Variants in TTC29 observed in about 807,000 individuals in gnomAD.
TTC29 encodes the protein tetratricopeptide repeat domain 29, also known as tetratricopeptide repeat protein 29.
A neutral mutation model predicts 58.1 loss-of-function variants in TTC29; 49 were observed. The observed-to-expected ratio is 0.84, with a 90% CI of 0.67 to 1.07. The LOEUF (loss-of-function observed/expected upper bound fraction) is 1.07, where lower values mean the gene tolerates loss of function less well. Ranked by LOEUF, TTC29 falls within the 50% of genes least tolerant of loss-of-function variation. The probability of loss-of-function intolerance (pLI) is 0.00; values close to 1 mark genes in which losing one functional copy is unlikely to be tolerated. For missense variants in TTC29, 582 were observed against 555.6 expected, an observed-to-expected ratio of 1.05 and a Z score of -0.48; for synonymous variants, 209 against 196.8, an observed-to-expected ratio of 1.06 and a Z score of -0.52.
At chr4:146,779,075 G>A (rs957636463) in intron 11 of TTC29, among the ~76,000 whole-genome samples, 5 of 146,290 alleles carry the variant, frequency 3.4e-5, no homozygotes, top group Non-Finnish European at 7.5e-5. Context: ...ACAATAAGAA[G>A]AGGAACTTAA....
At chr4:146,715,001 TA>T (rs1024731628) in intron 11 of TTC29, among the ~76,000 whole-genome samples, 7,323 of 147,134 alleles carry the variant, frequency 0.05, 568 homozygotes, top group African/African-American at 0.17. Context: ...TCTGGCTAAT[TA>T]AAAAAAAAAA....
At chr4:146,937,747 G>T in intron 3 of TTC29, 70 bp from the exon 4 acceptor site, 1 of 827,140 alleles carries the variant, frequency 1.2e-6, no homozygotes, top group Non-Finnish European at 1.9e-6. Context: ...CACATAAAAT[G>T]CCACCAGGAG....
intron 5 of TTC29, among the ~76,000 whole-genome samples, chr4:146,908,299 A>C (rs1733661865): frequency 6.6e-6 from 1 of 152,186 alleles, no homozygotes; most frequent in Non-Finnish European, 1.5e-5. Context: ...CAAATTCTAG[A>C]ATTTCATTTT....
chr4:146,840,402 A>G (rs1378923893), intron 8 of TTC29, among the ~76,000 whole-genome samples: 3 of 152,244 alleles, frequency 2.0e-5, no homozygotes, highest in East Asian at 3.9e-4. Flanking sequence ...GAACTCTTCC[A>G]GTATATTCCA....
intron 5 of TTC29, among the ~76,000 whole-genome samples, chr4:146,907,894 T>A (rs1450486548): frequency 1.3e-5 from 2 of 152,132 alleles, no homozygotes; most frequent in South Asian, 2.1e-4. Context: ...ACCAAAATAT[T>A]TTTTTTCACA....
intron 3 of TTC29, among the ~76,000 whole-genome samples, chr4:146,939,037 A>AT (rs1736112329): frequency 6.6e-6 from 1 of 152,162 alleles, no homozygotes; most frequent in Admixed American, 6.5e-5. Context: ...TTGATGATGC[A>AT]TTTTCAAGCC....
intron 11 of TTC29, among the ~76,000 whole-genome samples, chr4:146,790,473 C>G (rs1367520155): frequency 6.6e-6 from 1 of 152,088 alleles, no homozygotes; most frequent in Non-Finnish European, 1.5e-5. Flanking sequence ...AGGCGTGAGC[C>G]ACTGCACCCG....
At chr4:146,783,734 T>G (rs1204888016) in intron 11 of TTC29, among the ~76,000 whole-genome samples, 1 of 151,744 alleles carries the variant, frequency 6.6e-6, no homozygotes, top group Non-Finnish European at 1.5e-5. Context: ...TGTGAAGAGG[T>G]AGCCTCTTAT....
intron 11 of TTC29, among the ~76,000 whole-genome samples, chr4:146,795,284 G>T (rs1298402885): frequency 6.6e-6 from 1 of 152,126 alleles, no homozygotes; most frequent in African/African-American, 2.4e-5. Context: ...CCAGGAAGAT[G>T]AAAACACTGG....
intron 11 of TTC29, among the ~76,000 whole-genome samples, chr4:146,766,844 A>G (rs1269590396): frequency 6.6e-6 from 1 of 152,130 alleles, no homozygotes; most frequent in African/African-American, 2.4e-5. Context: ...ATTGGGAAGA[A>G]GTAGTTAGGT....
At chr4:146,772,923 T>C (rs1195811339) in intron 11 of TTC29, among the ~76,000 whole-genome samples, 1 of 152,092 alleles carries the variant, frequency 6.6e-6, no homozygotes, top group African/African-American at 2.4e-5. Context: ...ATTTTCATAG[T>C]AGTGATCTTT....
chr4:146,850,425 G>A (rs1049648433), intron 8 of TTC29, among the ~76,000 whole-genome samples: 16 of 152,178 alleles, frequency 1.1e-4, no homozygotes, highest in East Asian at 5.8e-4. Context: ...GCCTGACAAT[G>A]CCACCATGCA....
intron 10 of TTC29, among the ~76,000 whole-genome samples, chr4:146,818,172 A>G (rs1374329695): frequency 1.3e-5 from 2 of 152,166 alleles, no homozygotes; most frequent in African/African-American, 4.8e-5. Flanking sequence ...GAAAATTTTC[A>G]CAATCTACTC....
chr4:146,798,779 C>T (rs933382873), intron 11 of TTC29, among the ~76,000 whole-genome samples: 5 of 145,852 alleles, frequency 3.4e-5, no homozygotes, highest in South Asian at 4.5e-4. Context: ...CCCAGCTACT[C>T]GGGAGGCTGA....
chr4:146,890,075 C>T (rs528056696), intron 6 of TTC29, among the ~76,000 whole-genome samples: 1 of 151,896 alleles, frequency 6.6e-6, no homozygotes, highest in African/African-American at 2.4e-5. Context: ...AACATTGACA[C>T]CACATTGAAT....
intron 6 of TTC29, among the ~76,000 whole-genome samples, chr4:146,888,678 A>C (rs73852734): frequency 0.076 from 11,509 of 152,236 alleles, 1,474 homozygotes; most frequent in African/African-American, 0.26. Context: ...GGTACAAAGA[A>C]GTTAATATTA....
intron 8 of TTC29, among the ~76,000 whole-genome samples, chr4:146,864,871 C>T (rs1219956721): frequency 6.6e-6 from 1 of 151,864 alleles, no homozygotes; most frequent in Non-Finnish European, 1.5e-5. Context: ...AGATCTTTAA[C>T]TTAATTACCT....
Position 146,708,538 on chromosome 4 carries a change from TAGAG to T in TTC29, c.1331-991_1331-988del, listed in dbSNP as rs143970938. On this transcript the variant is annotated intron_variant, in intron 11 of 12. Coordinates refer to ENST00000325106, the MANE Select transcript of TTC29 (RefSeq NM_031956.4). ...TATATTATATGTATATCTATATACA[TAGAG>T]AGAGCCATGTTAATTTGTTACTTAA... Among the ~76,000 whole-genome samples, 9 of 151,394 alleles carry T rather than the reference TAGAG, an allele frequency of 5.9e-5. No homozygotes were observed. The East Asian group carries it at 1.4e-3, about 23-fold the overall frequency.
intron 7 of TTC29, among the ~76,000 whole-genome samples, chr4:146,868,818 C>T (rs1157291723): frequency 6.6e-6 from 1 of 151,880 alleles, no homozygotes; most frequent in Non-Finnish European, 1.5e-5. Flanking sequence ...AAATGTGATC[C>T]CCAATGTTGG....
Sources: allele counts gnomAD v4.1 joint callset (sites outside exome capture counted in the v4.1 genomes callset), GRCh38; gene constraint gnomAD v4.1.1; transcripts MANE v1.5; gene names NCBI Gene and HGNC (gene_info 2026-07-23, HGNC 2026-07-21).